SFXN3: variants seen among roughly 807,000 people sequenced by gnomAD.
SFXN3 encodes sideroflexin 3.
In SFXN3, 31 loss-of-function variants were observed where a neutral mutation model predicts 40.4. The ratio of observed to expected loss-of-function variants is 0.77; its 90% CI spans 0.58 to 1.04. The LOEUF is 1.04. SFXN3 is among the 50% of genes least tolerant of loss of function. SFXN3 has a pLI of 0.00. For synonymous variants in SFXN3, 157 were observed against 160.0 expected, an observed-to-expected ratio of 0.98 and a Z score of 0.14; for missense variants, 366 against 408.2, an observed-to-expected ratio of 0.90 and a Z score of 0.89.
rs1938776473 is a variant in SFXN3, at chr10:101,039,224, T to C, written c.869+2T>C. The C allele has an allele frequency of 6.2e-7, 1 of 1,602,974 alleles. No homozygotes were observed. Among genetic ancestry groups the C allele is most frequent in the African/African-American group, 1.3e-5 (1 of 74,334 alleles). ...CTGTGCCCTATTCCCCCAGAAGAGG[T>C]AAGTGCTGTCCCTGGGCTGGGTGGG... On this transcript the variant is annotated splice_donor_variant, in intron 11 of 11. Transcript: ENST00000393459. LOFTEE classifies it high-confidence loss of function. This position sits in a 1 kb window ranked among gnomAD's most constrained non-coding sequence, Gnocchi z 4.6.
At chr10:101,037,875 C>A (rs147470571) in intron 9 of SFXN3, 1 of 1,045,602 alleles carries the variant, frequency 9.6e-7, no homozygotes, top group Non-Finnish European at 1.2e-6. Flanking sequence ...GAGTGCCATG[C>A]ACCAGGCATG....
At chr10:101,037,974 A>G (rs959265406) in intron 9 of SFXN3, 18 of 451,856 alleles carry the variant, frequency 4.0e-5, no homozygotes, top group Non-Finnish European at 5.3e-5. Context: ...CCAATAAACA[A>G]GGAGGCACCC....
At chr10:101,038,232 G>A in intron 9 of SFXN3, 3 of 1,098,832 alleles carry the variant, frequency 2.7e-6, no homozygotes, top group Non-Finnish European at 3.4e-6. Flanking sequence ...GGTCCCTGTG[G>A]CCAGAGCAAA....
chr10:101,041,134 G>C (rs901135571), exon 12 of SFXN3: 1 of 152,196 alleles, frequency 6.6e-6, no homozygotes, highest in African/African-American at 2.4e-5. Flanking sequence ...CAGATGAAAG[G>C]GCTTCAGTGG....
intron 3 of SFXN3, 57 bp downstream of exon 3, chr10:101,034,912 T>C: frequency 6.3e-7 from 1 of 1,580,812 alleles, no homozygotes; most frequent in Non-Finnish European, 8.6e-7. Context: ...GTGATTAATA[T>C]AATATGTTTT....
chr10:101,035,610 T>C (rs779730316), exon 4 of SFXN3: 1 of 1,614,150 alleles, frequency 6.2e-7, no homozygotes, highest in African/African-American at 1.3e-5. Flanking sequence ...ATTGGCCGCA[T>C]GTCAGCCCAG....
intron 2 of SFXN3, among the ~76,000 whole-genome samples, chr10:101,032,864 G>A (rs1301314762): frequency 6.6e-6 from 1 of 152,176 alleles, no homozygotes; most frequent in Non-Finnish European, 1.5e-5. Flanking sequence ...CATTCTGTAG[G>A]ATTCTGCCCA....
At chr10:101,037,853 C>A in intron 9 of SFXN3, 1 of 1,072,452 alleles carries the variant, frequency 9.3e-7, no homozygotes, top group Non-Finnish European at 1.1e-6. Flanking sequence ...ATCATTTATT[C>A]ACAAATGTAT....
At chr10:101,035,816 A>T in intron 4 of SFXN3, 149 bp downstream of exon 4, 1 of 1,188,738 alleles carries the variant, frequency 8.4e-7, no homozygotes, top group Non-Finnish European at 1.2e-6. Context: ...GAGGTCTCTC[A>T]CCCCAGAGAC....
chr10:101,039,248 G>A lies in SFXN3; in HGVS notation c.869+26G>A, dbSNP rs750310791. The A allele has an allele frequency of 3.1e-6, 5 of 1,592,110 alleles. No homozygotes were observed. Among genetic ancestry groups the A allele is most frequent in the African/African-American group, 1.3e-5 (1 of 74,294 alleles). ...GTAAGTGCTGTCCCTGGGCTGGGTG[G>A]GGGACTCTGGATTGGACTCTGCATC... On this transcript the variant is annotated intron_variant, in intron 11 of 11. Transcript: ENST00000393459. The surrounding 1 kb of genome is among the most constrained non-coding windows in gnomAD (Gnocchi z 4.6).
chr10:101,038,761 G>A, intron 10 of SFXN3, 69 bp downstream of exon 10: 1 of 1,598,972 alleles, frequency 6.3e-7, no homozygotes, highest in Non-Finnish European at 8.5e-7. Context: ...GGTGGGTATG[G>A]ATTGTCTTTA....
rs1179930124 is a variant in SFXN3, at chr10:101,036,026, G to A, written c.356G>A (p.Trp119Ter). ...AGGAAGACCCCAACCGTGGTGTTCT[G>A]GCAGTGGGTGAATCAGTCCTTCAAT... Residue 119 changes from tryptophan to a stop codon, truncating the protein, a stop_gained, in exon 5 of 12, where the codon TGG (tryptophan) becomes TAG (stop). Transcript: ENST00000393459. LOFTEE classifies it high-confidence loss of function. This position sits in a 1 kb window ranked among gnomAD's most constrained non-coding sequence, Gnocchi z 4.2. 1.2e-6 allele frequency: 2 copies of A among 1,613,964 alleles called. No individual in the cohort carries two copies. Among genetic ancestry groups the A allele is most frequent in the Non-Finnish European group, 1.7e-6 (2 of 1,179,982 alleles).
chr10:101,038,266 A>G, intron 9 of SFXN3: 2 of 1,151,140 alleles, frequency 1.7e-6, no homozygotes, highest in Non-Finnish European at 2.2e-6. Context: ...CGAGGAAGAG[A>G]TGTGCTTGGA....
At position 101,034,787 on chromosome 10, in the gene SFXN3, T is replaced by C. The variant is rs368546052; in HGVS notation, c.93T>C (p.Thr31=). The stretch of plus-strand genomic sequence containing the variant: ...GAGCCCGGCACTTTTTCACTGTTAC[T>C]GATCCTCGAAATCTGCTGCTGTCCG... The change falls in exon 3 of 12, where the codon ACT becomes ACC. Residue 31 remains threonine (T), a synonymous_variant. Coordinates refer to ENST00000393459, the Ensembl canonical transcript of SFXN3. 9 of 1,614,044 alleles carry C rather than the reference T, an allele frequency of 5.6e-6. No homozygotes were observed. The African/African-American group carries it at 1.1e-4, about 19-fold the overall frequency.
chr10:101,032,306 G>T lies in SFXN3; in HGVS notation c.-172-8G>T, dbSNP rs1425889025. The T allele has an allele frequency of 2.9e-6, 2 of 686,546 alleles. No homozygotes were observed. The highest frequency in any genetic ancestry group is 1.9e-5 in the African/African-American group (1 of 52,340). The allele number at this position is 686,546 out of a possible 1,614,324, so 42.5% of individuals were successfully genotyped here. Reference sequence around the variant, plus strand: ...GGCATCGCCTCGAATGACACCCACCGCCCTCAGGTTCTGCCAATCCCCGTG... The same window carrying T: ...GGCATCGCCTCGAATGACACCCACCTCCCTCAGGTTCTGCCAATCCCCGTG... On this transcript the variant is annotated splice_region_variant and splice_polypyrimidine_tract_variant and intron_variant, in intron 1 of 11. Coordinates refer to ENST00000393459, the Ensembl canonical transcript of SFXN3.
Position 101,039,440 on chromosome 10 carries a change from T to C in SFXN3, c.870-49T>C. The C allele has an allele frequency of 6.5e-7, 1 of 1,546,556 alleles. No homozygotes were observed. Among genetic ancestry groups the C allele is most frequent in the Non-Finnish European group, 8.9e-7 (1 of 1,119,032 alleles). ...TGGGATGGCAATCCCTGGGCCTGAG[T>C]GGGGTTGGATTCAGGGGACGTTAAC... On this transcript the variant is annotated intron_variant, in intron 11 of 11. Transcript: ENST00000393459. The surrounding 1 kb of genome is among the most constrained non-coding windows in gnomAD (Gnocchi z 4.6).
intron 9 of SFXN3, 184 bp from the exon 10 acceptor site, chr10:101,038,459 C>G: frequency 1.4e-6 from 2 of 1,465,062 alleles, no homozygotes; most frequent in South Asian, 2.7e-5. Context: ...GCAGACAGGC[C>G]TGGCTGGAGT....
Position 101,039,362 on chromosome 10 carries a change from T to C in SFXN3, c.870-127T>C. ...GATTCTGGGAGTGGGGGAATGACAG[T>C]GAGCCAGTCCTTCTGGCAGTAGAAG... is the stretch of plus-strand genomic sequence containing the variant. On this transcript the variant is annotated intron_variant, in intron 11 of 11. Coordinates refer to ENST00000393459, the Ensembl canonical transcript of SFXN3. This position sits in a 1 kb window ranked among gnomAD's most constrained non-coding sequence, Gnocchi z 4.6. 8.4e-7 allele frequency: 1 copy of C among 1,193,888 alleles called. No homozygotes were observed. The highest frequency in any genetic ancestry group is 1.2e-6 in the Non-Finnish European group (1 of 807,616). 74.0% of individuals were successfully genotyped at this position (1,193,888 alleles called of 1,614,324 possible). A position where few individuals can be genotyped will look rare whatever the true frequency, so the allele number is the denominator to read the frequency against.
intron 2 of SFXN3, among the ~76,000 whole-genome samples, chr10:101,033,751 A>T (rs807050): frequency 6.6e-6 from 1 of 151,898 alleles, no homozygotes; most frequent in Non-Finnish European, 1.5e-5. Flanking sequence ...AAAGGAATGT[A>T]GTAGTAGAGC....
Sources: allele counts gnomAD v4.1 joint callset (sites outside exome capture counted in the v4.1 genomes callset), GRCh38; gene constraint gnomAD v4.1.1; non-coding constraint Gnocchi (gnomAD v3.1); transcripts MANE v1.5; gene names NCBI Gene and HGNC (gene_info 2026-07-23, HGNC 2026-07-21).